Variants in RFX7 observed in about 807,000 individuals in gnomAD.
RFX7 encodes regulatory factor X7.
RFX7 carries 26 observed loss-of-function variants against 111.8 expected under a neutral mutation model. The observed-to-expected ratio is 0.23, with a 90% confidence interval of 0.17 to 0.32. The LOEUF (loss-of-function observed/expected upper bound fraction) is 0.32. Ranked by LOEUF, RFX7 falls within the 10% of genes least tolerant of loss-of-function variation. The probability of loss-of-function intolerance (pLI) is 1.00; values close to 1 mark genes in which losing one functional copy is unlikely to be tolerated. For missense variants in RFX7, 1,573 were observed against 1,772.9 expected, an observed-to-expected ratio of 0.89 and a Z score of 2.02; for synonymous variants, 624 against 624.4, an observed-to-expected ratio of 1.00 and a Z score of 0.01.
intron 2 of RFX7, among the ~76,000 whole-genome samples, chr15:56,219,014 A>T (rs146509646): frequency 6.6e-6 from 1 of 152,348 alleles, no homozygotes; most frequent in East Asian, 1.9e-4. Flanking sequence ...GGAGAAAAAG[A>T]GTGAAAACAT....
At chr15:56,178,022 G>C (rs1333373008) in intron 3 of RFX7, among the ~76,000 whole-genome samples, 3 of 151,884 alleles carry the variant, frequency 2.0e-5, no homozygotes, top group Non-Finnish European at 4.4e-5. Context: ...AAAACTGGCA[G>C]ACAGAAGATG....
chr15:56,154,663 A>G (rs1178630080), intron 3 of RFX7, among the ~76,000 whole-genome samples: 2 of 152,198 alleles, frequency 1.3e-5, no homozygotes, highest in Non-Finnish European at 2.9e-5. Context: ...CGTAAGACCT[A>G]GGACCATAAA....
At position 56,091,007 on chromosome 15, in the gene RFX7, C is replaced by T. The variant is rs35279276; in HGVS notation, c.*2338G>A. The T allele has an allele frequency of 0.037, 5,672 of 152,510 alleles. 142 individuals are homozygous for T. The highest frequency in any genetic ancestry group is 0.054 in the Middle Eastern group (16 of 294). The allele number at this position is 152,510 out of a possible 1,614,324, so 9.4% of individuals were successfully genotyped here. A position where few individuals can be genotyped will look rare whatever the true frequency, so the allele number is the denominator to read the frequency against. ...AATAACCTGTGAATAACTATGCTTG[C>T]CTGGTTAACACTGAACCAGTTTCAA... On this transcript the variant is annotated 3_prime_UTR_variant, in exon 10 of 10. Transcript: ENST00000559447.
At chr15:56,105,202 T>G (rs2041813866) in intron 5 of RFX7, among the ~76,000 whole-genome samples, 1 of 152,208 alleles carries the variant, frequency 6.6e-6, no homozygotes, top group South Asian at 2.1e-4. Flanking sequence ...TTTATGATTT[T>G]TGAAAGGATC....
chr15:56,123,507 G>A (rs1185638877), intron 5 of RFX7, among the ~76,000 whole-genome samples: 1 of 152,196 alleles, frequency 6.6e-6, no homozygotes, highest in Admixed American at 6.5e-5. Context: ...TTCTTTCAGA[G>A]TTGCAAGCTT....
In RFX7 at chr15:56,243,640, T is replaced by TG. The variant is rs138845624; in HGVS notation, c.-199dup. On this transcript the variant is annotated 5_prime_UTR_variant, in exon 1 of 10. Transcript: ENST00000559447. ...GAGATGGGGGCGTTTGAAGACGAAG[T>TG]GGGGGGGGCAGGCTCCCCCCAAAAT... The TG allele has an allele frequency of 0.025, 2,926 of 116,218 alleles. 106 individuals are homozygous for TG. Among genetic ancestry groups the TG allele is most frequent in the African/African-American group, 0.084 (2,708 of 32,334 alleles). 7.2% of individuals were successfully genotyped at this position (116,218 alleles called of 1,614,324 possible).
intron 2 of RFX7, among the ~76,000 whole-genome samples, chr15:56,200,583 G>T (rs1395230260): frequency 6.6e-6 from 1 of 151,994 alleles, no homozygotes; most frequent in African/African-American, 2.4e-5. Context: ...GGCGGATCAC[G>T]AGGTCAGGAG....
intron 3 of RFX7, among the ~76,000 whole-genome samples, chr15:56,177,271 A>T (rs991636962): frequency 9.9e-5 from 15 of 152,158 alleles, no homozygotes; most frequent in African/African-American, 2.4e-5. Flanking sequence ...TTCTCAGAGA[A>T]GCTTTTCCTG....
chr15:56,105,500 GC>G (rs35885416), intron 5 of RFX7, among the ~76,000 whole-genome samples: 1 of 152,070 alleles, frequency 6.6e-6, no homozygotes, highest in Non-Finnish European at 1.5e-5. Context: ...AAGAAACATT[GC>G]CCCCCTCCGG....
intron 5 of RFX7, among the ~76,000 whole-genome samples, chr15:56,106,851 A>ACATCT (rs1200316144): frequency 6.6e-6 from 1 of 151,146 alleles, no homozygotes; most frequent in Non-Finnish European, 1.5e-5. Flanking sequence ...TGGTTAGTTT[A>ACATCT]CATCTCATTT....
chr15:56,110,369 T>TGG (rs1213486300), intron 5 of RFX7, among the ~76,000 whole-genome samples: 2 of 22,836 alleles, frequency 8.8e-5, no homozygotes, highest in African/African-American at 1.5e-4. Context: ...GGGAGGGAGG[T>TGG]GGGGGGGGTC....
At position 56,111,370 on chromosome 15, in the gene RFX7, A is replaced by G. The variant is rs1197676502; in HGVS notation, c.402-7700T>C. On this transcript the variant is annotated intron_variant, in intron 5 of 9. Coordinates refer to ENST00000559447, the MANE Select transcript of RFX7 (RefSeq NM_022841.7). ...TACCCCCAACCCGGTGCTCTCTGAAACATGTGCTGTGTCCACTCAGGGTTA... is the reference window on the plus strand; with the variant it reads ...TACCCCCAACCCGGTGCTCTCTGAAGCATGTGCTGTGTCCACTCAGGGTTA... Among the ~76,000 whole-genome samples, 4 of 152,154 alleles carry G rather than the reference A, an allele frequency of 2.6e-5. No individual in the cohort carries two copies. The East Asian group carries it at 5.9e-4, about 22-fold the overall frequency.
intron 2 of RFX7, among the ~76,000 whole-genome samples, chr15:56,242,327 T>C (rs1245563063): frequency 6.6e-6 from 1 of 152,206 alleles, no homozygotes; most frequent in Admixed American, 6.5e-5. Flanking sequence ...TAACAGTGGA[T>C]GGACTTAGTG....
At chr15:56,202,364 G>A (rs1459286269) in intron 2 of RFX7, among the ~76,000 whole-genome samples, 1 of 152,090 alleles carries the variant, frequency 6.6e-6, no homozygotes, top group African/African-American at 2.4e-5. Context: ...TTCATACTAA[G>A]TCTTTGAAAT....
chr15:56,223,078 C>T (rs751572043), intron 2 of RFX7, among the ~76,000 whole-genome samples: 2 of 152,128 alleles, frequency 1.3e-5, no homozygotes, highest in African/African-American at 2.4e-5. Context: ...AATTAATGCC[C>T]AAGGTGCTGA....
intron 5 of RFX7, among the ~76,000 whole-genome samples, chr15:56,131,550 T>C (rs1324232474): frequency 6.6e-6 from 1 of 152,210 alleles, no homozygotes; most frequent in African/African-American, 2.4e-5. Flanking sequence ...TGAGACACTG[T>C]GCCCGGCCTA....
At chr15:56,187,994 G>A (rs1457714193) in intron 2 of RFX7, among the ~76,000 whole-genome samples, 7 of 152,160 alleles carry the variant, frequency 4.6e-5, no homozygotes, top group African/African-American at 1.7e-4. Context: ...AATCCTGAAT[G>A]ATCCAAAGTG....
At chr15:56,216,277 A>G (rs1263612355) in intron 2 of RFX7, among the ~76,000 whole-genome samples, 3 of 152,078 alleles carry the variant, frequency 2.0e-5, no homozygotes, top group Admixed American at 1.3e-4. Flanking sequence ...GTGATTTGGT[A>G]TTTTCTTTGT....
chr15:56,097,746 CAAAAAAA>C (rs67718449), intron 9 of RFX7, among the ~76,000 whole-genome samples: 7,705 of 47,342 alleles, frequency 0.16, 339 homozygotes, highest in South Asian at 0.24. Context: ...GACTCTGTCT[CAAAAAAA>C]AAAAAAAAAA....
Sources: gnomAD v4.1 joint callset for allele counts (sites outside exome capture counted in the v4.1 genomes callset) on GRCh38, gnomAD v4.1.1 for gene constraint, MANE v1.5 for transcripts, NCBI Gene and HGNC (gene_info 2026-07-23, HGNC 2026-07-21) for gene names.